DTWD2: variants seen among roughly 807,000 people sequenced by gnomAD.
The protein encoded by DTWD2 is DTW motif tRNA-uridine aminocarboxypropyltransferase 2.
Under a neutral mutation model 31.8 loss-of-function variants are expected in DTWD2, and 39 were observed. That is an observed-to-expected ratio of 1.22 (90% CI 0.95 to 1.60). The LOEUF is 1.60. Among genes scored for constraint, DTWD2 ranks in the 40% most tolerant of loss-of-function variants. DTWD2 has a pLI of 0.00. For synonymous variants in DTWD2, 180 were observed against 142.8 expected (o/e 1.26, Z -1.86); for missense variants, 515 against 381.5 (o/e 1.35, Z -2.92).
chr5:118,965,611 G>A (rs951403298), intron 1 of DTWD2, among the ~76,000 whole-genome samples: 9 of 152,156 alleles, frequency 5.9e-5, no homozygotes, highest in Admixed American at 5.2e-4. Flanking sequence ...TGCTGTTGGG[G>A]TATGGTGTAA....
At chr5:118,899,942 C>CAGT (rs1241656570) in intron 4 of DTWD2, among the ~76,000 whole-genome samples, 3 of 151,834 alleles carry the variant, frequency 2.0e-5, no homozygotes, top group South Asian at 2.1e-4. Context: ...GCTGGCATTA[C>CAGT]AGGCGCACGT....
chr5:118,933,580 C>T (rs749559600), intron 3 of DTWD2, among the ~76,000 whole-genome samples: 23 of 152,130 alleles, frequency 1.5e-4, no homozygotes, highest in East Asian at 5.8e-4. Context: ...ACAAAGAAAA[C>T]GCATTTGACA....
At chr5:118,927,096 C>A (rs150980447) in intron 4 of DTWD2, among the ~76,000 whole-genome samples, 1 of 152,152 alleles carries the variant, frequency 6.6e-6, no homozygotes, top group East Asian at 1.9e-4. Context: ...CAAAGAGAGA[C>A]GGAGAGAGAC....
At chr5:118,962,869 TTCTG>T (rs1468834754) in intron 1 of DTWD2, among the ~76,000 whole-genome samples, 1 of 152,210 alleles carries the variant, frequency 6.6e-6, no homozygotes. Context: ...TAGAGCTTGG[TTCTG>T]TCTGATTCCA....
intron 1 of DTWD2, among the ~76,000 whole-genome samples, chr5:118,978,789 T>C (rs1393832421): frequency 1.4e-5 from 2 of 146,434 alleles, no homozygotes; most frequent in Non-Finnish European, 3.0e-5. Context: ...GTGGATCACT[T>C]GAGGTCAGGA....
intron 4 of DTWD2, among the ~76,000 whole-genome samples, chr5:118,905,661 T>C (rs1404378912): frequency 6.6e-6 from 1 of 152,154 alleles, no homozygotes; most frequent in African/African-American, 2.4e-5. Context: ...ATCGCCCTGG[T>C]AAGACTATTT....
At chr5:118,852,212 A>C (rs1434438102) in intron 4 of DTWD2, among the ~76,000 whole-genome samples, 1 of 152,246 alleles carries the variant, frequency 6.6e-6, no homozygotes, top group East Asian at 1.9e-4. Flanking sequence ...TTGTTCCCTA[A>C]AATCACTGTT....
At chr5:118,853,640 A>T (rs1048966937) in intron 4 of DTWD2, among the ~76,000 whole-genome samples, 2 of 152,320 alleles carry the variant, frequency 1.3e-5, no homozygotes, top group Admixed American at 6.5e-5. Context: ...GCAAATTAAT[A>T]CAGAAAACGA....
intron 1 of DTWD2, 30 bp downstream of exon 1, chr5:118,988,264 T>G: frequency 2.0e-6 from 3 of 1,530,050 alleles, no homozygotes; most frequent in Non-Finnish European, 2.6e-6. Context: ...CGCTGCCGGC[T>G]GCAGTCCCCG....
chr5:118,924,103 A>G (rs192270174), intron 4 of DTWD2, among the ~76,000 whole-genome samples: 123 of 152,290 alleles, frequency 8.1e-4, no homozygotes, highest in African/African-American at 2.8e-3. Context: ...GAGTCTTCCA[A>G]AAAGGCAGAG....
At chr5:118,898,658 CAAA>C (rs200407705) in intron 4 of DTWD2, among the ~76,000 whole-genome samples, 3 of 82,298 alleles carry the variant, frequency 3.6e-5, no homozygotes, top group Admixed American at 1.4e-4. Context: ...GACTCCATCT[CAAA>C]AAAAAAAAAA....
intron 3 of DTWD2, among the ~76,000 whole-genome samples, chr5:118,930,385 A>G (rs775223779): frequency 8.5e-5 from 13 of 152,220 alleles, no homozygotes; most frequent in East Asian, 1.9e-4. Flanking sequence ...TCTTTGAAAT[A>G]TAATTTGGAC....
chr5:118,851,878 G>A (rs1280379522), intron 4 of DTWD2, among the ~76,000 whole-genome samples: 2 of 151,656 alleles, frequency 1.3e-5, no homozygotes, highest in Middle Eastern at 3.2e-3. Context: ...GGGTTCAAGA[G>A]CATAGAACAG....
chr5:118,890,221 T>C (rs916029160), intron 4 of DTWD2, among the ~76,000 whole-genome samples: 4 of 152,234 alleles, frequency 2.6e-5, no homozygotes, highest in African/African-American at 9.6e-5. Context: ...AAAGTCAGTC[T>C]GACATCAAAG....
chr5:118,983,593 T>C (rs1463468822), intron 1 of DTWD2, among the ~76,000 whole-genome samples: 2 of 152,086 alleles, frequency 1.3e-5, no homozygotes, highest in East Asian at 3.9e-4. Flanking sequence ...AAGGAAAAGG[T>C]AATGATATGT....
chr5:118,985,499 T>TAC (rs1755405200), intron 1 of DTWD2, among the ~76,000 whole-genome samples: 3 of 109,604 alleles, frequency 2.7e-5, no homozygotes, highest in Non-Finnish European at 5.5e-5. Context: ...TTTATATATA[T>TAC]ATATATATAT....
At chr5:118,926,202 G>A (rs757815068) in intron 4 of DTWD2, among the ~76,000 whole-genome samples, 2 of 152,124 alleles carry the variant, frequency 1.3e-5, no homozygotes, top group Admixed American at 6.5e-5. Flanking sequence ...TATATACCAC[G>A]GAATACTACT....
intron 1 of DTWD2, 75 bp downstream of exon 1, chr5:118,988,219 C>G (rs953053299): frequency 5.9e-6 from 9 of 1,520,740 alleles, no homozygotes; most frequent in African/African-American, 4.1e-5. Flanking sequence ...GCCGCCGACT[C>G]CCCGGCAGGG....
rs569070953 is a variant in DTWD2, at chr5:118,850,900, C to G, written c.598-2682G>C. On this transcript the variant is annotated intron_variant, in intron 4 of 5. Coordinates refer to ENST00000510708, the MANE Select transcript of DTWD2 (RefSeq NM_173666.4). ...CAAAAGAGGACATACATGTGGCCAA[C>G]AAGCAGATGAAAAAATGCTCAGTAT... Among the ~76,000 whole-genome samples, 4 of 152,018 alleles carry G rather than the reference C, an allele frequency of 2.6e-5. No homozygotes were observed. In the East Asian group the frequency reaches 7.7e-4, roughly 29 times the overall value.
Sources: allele counts gnomAD v4.1 joint callset (sites outside exome capture counted in the v4.1 genomes callset), GRCh38; gene constraint gnomAD v4.1.1; transcripts MANE v1.5; gene names NCBI Gene and HGNC (gene_info 2026-07-23, HGNC 2026-07-21).